Variants in PHF21B observed in about 807,000 individuals in gnomAD.
The protein encoded by PHF21B is PHD finger protein 21B, also known as PHD finger protein 4.
Under a neutral mutation model 62.2 loss-of-function variants are expected in PHF21B, and 22 were observed. The observed-to-expected ratio is 0.35, with a 90% confidence interval of 0.25 to 0.51. The LOEUF (loss-of-function observed/expected upper bound fraction) is 0.51, where lower values mean the gene tolerates loss of function less well. PHF21B is among the 20% of genes least tolerant of loss of function. The probability of loss-of-function intolerance (pLI) is 0.97; values close to 1 mark genes in which losing one functional copy is unlikely to be tolerated. For synonymous variants in PHF21B, 341 were observed against 314.7 expected (o/e 1.08, Z -0.88); for missense variants, 701 against 707.9 (o/e 0.99, Z 0.11).
rs1257340205 is a variant in PHF21B at position 44,937,454 on chromosome 22, G to A, written c.121-16964C>T. On this transcript the variant is annotated intron_variant, in intron 2 of 12. Coordinates refer to ENST00000313237, the MANE Select transcript of PHF21B (RefSeq NM_138415.5). ...GGCTGAGCTGGGCCATCACGGAGTAGCCGGGTCTCTCACAAACCACTGCAG... is the reference window on the plus strand; with the variant it reads ...GGCTGAGCTGGGCCATCACGGAGTAACCGGGTCTCTCACAAACCACTGCAG... Among the ~76,000 whole-genome samples, 3 of 152,342 alleles carry A rather than the reference G, an allele frequency of 2.0e-5. No individual in the cohort carries two copies. The East Asian group carries it at 5.8e-4, about 29-fold the overall frequency.
chr22:44,895,108 G>A (rs2071034072), intron 6 of PHF21B, among the ~76,000 whole-genome samples: 1 of 152,208 alleles, frequency 6.6e-6, no homozygotes, highest in African/African-American at 2.4e-5. Context: ...TTTATAAAAC[G>A]CCTTTGCAGG....
intron 2 of PHF21B, among the ~76,000 whole-genome samples, chr22:44,926,720 G>A (rs998742016): frequency 5.3e-5 from 8 of 152,222 alleles, no homozygotes; most frequent in African/African-American, 1.9e-4. Flanking sequence ...CTGCCACGTG[G>A]GCCATGGGTA....
chr22:44,934,462 T>C (rs1376762681), intron 2 of PHF21B, among the ~76,000 whole-genome samples: 3 of 151,954 alleles, frequency 2.0e-5, no homozygotes, highest in Non-Finnish European at 4.4e-5. Flanking sequence ...AGGGACAACA[T>C]CGTCCCAGGC....
intron 2 of PHF21B, among the ~76,000 whole-genome samples, chr22:44,962,835 C>T (rs959898022): frequency 6.6e-6 from 1 of 152,086 alleles, no homozygotes; most frequent in Non-Finnish European, 1.5e-5. Context: ...TGCGATGTGG[C>T]CAGAAGACTC....
chr22:44,889,875 C>G (rs2070929718), intron 8 of PHF21B, 93 bp from the exon 9 acceptor site: 1 of 1,334,126 alleles, frequency 7.5e-7, no homozygotes, highest in Non-Finnish European at 1.0e-6. Context: ...GTGGCAAGGG[C>G]TCTTACCCCA....
intron 12 of PHF21B, among the ~76,000 whole-genome samples, chr22:44,884,293 TCAC>T (rs138736379): frequency 0.054 from 5,444 of 100,058 alleles, 18 homozygotes; most frequent in African/African-American, 0.17. Flanking sequence ...ATCACCATTA[TCAC>T]CACCACCACC....
In PHF21B at chr22:44,921,803, C is replaced by T. The variant is rs574086093; in HGVS notation, c.121-1313G>A. Among the ~76,000 whole-genome samples the T allele has an allele frequency of 4.0e-5, 6 of 151,732 alleles. No homozygotes were observed. In the East Asian group the frequency reaches 5.8e-4, roughly 15 times the overall value. On this transcript the variant is annotated intron_variant, in intron 2 of 12. Transcript: ENST00000313237. ...CCTCCCGAGTAGCTGGGATTACAGGCGCCCGCCACCACGCCTGGGTAACTT... is the reference window on the plus strand; with the variant it reads ...CCTCCCGAGTAGCTGGGATTACAGGTGCCCGCCACCACGCCTGGGTAACTT...
intron 2 of PHF21B, among the ~76,000 whole-genome samples, chr22:44,976,288 G>A (rs1191315398): frequency 6.6e-6 from 1 of 152,022 alleles, no homozygotes; most frequent in African/African-American, 2.4e-5. Flanking sequence ...CATATCCATC[G>A]CCTCATACAT....
At chr22:44,935,053 C>G in intron 2 of PHF21B, among the ~76,000 whole-genome samples, 1 of 152,276 alleles carries the variant, frequency 6.6e-6, no homozygotes, top group Middle Eastern at 3.4e-3. Context: ...TAAACACACA[C>G]GCTCATGCAG....
chr22:44,914,698 C>T lies in PHF21B; in HGVS notation c.565-610G>A, dbSNP rs926317506. ...TTTTTCACTGCCATGAGGCCCCTCA[C>T]GTGGTGGATGGGGAAGGGGAAGGGG... is the stretch of plus-strand genomic sequence containing the variant. On this transcript the variant is annotated intron_variant, in intron 4 of 12. Coordinates refer to ENST00000313237, the MANE Select transcript of PHF21B (RefSeq NM_138415.5). Among the ~76,000 whole-genome samples the T allele has an allele frequency of 4.6e-5, 7 of 152,274 alleles. No individual in the cohort carries two copies. In the East Asian group the frequency reaches 7.7e-4, roughly 17 times the overall value.
At chr22:44,913,087 C>T (rs1456938976) in intron 5 of PHF21B, among the ~76,000 whole-genome samples, 1 of 152,140 alleles carries the variant, frequency 6.6e-6, no homozygotes, top group Non-Finnish European at 1.5e-5. Flanking sequence ...ACCATCAGTG[C>T]AGGGGCTGCG....
chr22:44,923,977 C>T (rs1053127113), intron 2 of PHF21B, among the ~76,000 whole-genome samples: 2 of 150,500 alleles, frequency 1.3e-5, no homozygotes, highest in East Asian at 1.9e-4. Context: ...CACCACTGCA[C>T]TCCAGCCTGA....
intron 2 of PHF21B, among the ~76,000 whole-genome samples, chr22:44,993,497 G>A (rs953219872): frequency 2.0e-5 from 3 of 152,210 alleles, no homozygotes; most frequent in Admixed American, 6.5e-5. Flanking sequence ...CCAGCTTCCC[G>A]GTCAACCGGA....
intron 2 of PHF21B, among the ~76,000 whole-genome samples, chr22:44,945,177 T>A (rs1270521934): frequency 3.3e-5 from 5 of 152,160 alleles, no homozygotes; most frequent in Admixed American, 6.5e-5. Flanking sequence ...AAATCCTGGG[T>A]TTCCTGAAGA....
intron 2 of PHF21B, among the ~76,000 whole-genome samples, chr22:44,967,840 T>A (rs2072559065): frequency 6.6e-6 from 1 of 152,134 alleles, no homozygotes; most frequent in South Asian, 2.1e-4. Flanking sequence ...AGTTTCTGAC[T>A]CTCCTTGTTA....
In PHF21B at chr22:44,913,785, G is replaced by A. The variant is rs755487852; in HGVS notation, c.831+37C>T. 5 of 1,589,922 alleles carry A rather than the reference G, an allele frequency of 3.1e-6. No individual in the cohort carries two copies. The South Asian group carries it at 4.6e-5, about 15-fold the overall frequency. ...CGGCCTCAGATGGCACCTGCAGACTGAGCAGGGCCTGGGCCCTCCGGAGAG... is the reference window on the plus strand; with the variant it reads ...CGGCCTCAGATGGCACCTGCAGACTAAGCAGGGCCTGGGCCCTCCGGAGAG... On this transcript the variant is annotated intron_variant, in intron 5 of 12. Coordinates refer to ENST00000313237, the MANE Select transcript of PHF21B (RefSeq NM_138415.5).
Position 45,009,957 on chromosome 22 carries a change from C to CGTTGGGCCTCGGCAAA in PHF21B, c.-424_-409dup, listed in dbSNP as rs1421688386. The CGTTGGGCCTCGGCAAA allele has an allele frequency of 4.1e-5, 6 of 146,418 alleles. No homozygotes were observed. Among genetic ancestry groups the CGTTGGGCCTCGGCAAA allele is most frequent in the Non-Finnish European group, 7.6e-5 (5 of 65,586 alleles). 9.1% of individuals were successfully genotyped at this position (146,418 alleles called of 1,614,324 possible). ...TCCTCCGGCGCGCGCGCCTGGATCT[C>CGTTGGGCCTCGGCAAA]GTTGGGCCTCGGCAAAGTTGTGCCT... On this transcript the variant is annotated 5_prime_UTR_variant, in exon 1 of 13. Transcript: ENST00000313237. The surrounding 1 kb of genome is among the most constrained non-coding windows in gnomAD (Gnocchi z 5.9).
At chr22:44,932,898 A>T (rs764897070) in intron 2 of PHF21B, among the ~76,000 whole-genome samples, 15 of 152,106 alleles carry the variant, frequency 9.9e-5, no homozygotes, top group Non-Finnish European at 1.9e-4. Context: ...AGCTCACTGG[A>T]TTTGACAAAC....
chr22:44,985,048 T>C (rs1814808474), intron 2 of PHF21B, among the ~76,000 whole-genome samples: 1 of 152,204 alleles, frequency 6.6e-6, no homozygotes, highest in Non-Finnish European at 1.5e-5. Flanking sequence ...CAGCAGGGCA[T>C]CCTCCAGGAA....
Sources: gnomAD v4.1 joint callset for allele counts (sites outside exome capture counted in the v4.1 genomes callset) on GRCh38, gnomAD v4.1.1 for gene constraint, Gnocchi (gnomAD v3.1) non-coding constraint, MANE v1.5 for transcripts, NCBI Gene and HGNC (gene_info 2026-07-23, HGNC 2026-07-21) for gene names.